Variants in PHF19 observed in about 807,000 individuals in gnomAD.
The protein encoded by PHF19 is PHD finger protein 19.
Under a neutral mutation model 79.8 loss-of-function variants are expected in PHF19, and 21 were observed. The observed-to-expected ratio is 0.26, with a 90% CI of 0.19 to 0.38. PHF19 has a LOEUF of 0.38. Ranked by LOEUF, PHF19 falls within the 10% of genes least tolerant of loss-of-function variation. The probability of loss-of-function intolerance (pLI) is 1.00; values close to 1 mark genes in which losing one functional copy is unlikely to be tolerated. For missense variants in PHF19, 445 were observed against 744.2 expected (o/e 0.60, Z 4.68); for synonymous variants, 273 against 296.3 (o/e 0.92, Z 0.81).
chr9:120,895,187 A>C (rs763333667), upstream of PHF19, among the ~76,000 whole-genome samples: 13 of 152,202 alleles, frequency 8.5e-5, no homozygotes, highest in Admixed American at 2.6e-4. Flanking sequence ...CTTTCTATCC[A>C]AACTCCAGAG....
intron 3 of PHF19, among the ~76,000 whole-genome samples, chr9:120,872,046 A>G (rs1347405329): frequency 1.4e-5 from 2 of 140,198 alleles, no homozygotes; most frequent in Non-Finnish European, 3.1e-5. Flanking sequence ...TCAAAAAAAA[A>G]AAAAAAAAAA....
chr9:120,884,754 CAA>C (rs57387656), intron 1 of PHF19, among the ~76,000 whole-genome samples: 11,853 of 126,968 alleles, frequency 0.093, 949 homozygotes, highest in African/African-American at 0.22. Context: ...CCAAAAAATA[CAA>C]AAAAAAAAAA....
rs1446141192 is a variant in PHF19, at chr9:120,869,828, G to A, written c.465+17C>T. On this transcript the variant is annotated intron_variant, in intron 5 of 14. Transcript: ENST00000373896. The surrounding 1 kb of genome is among the most constrained non-coding windows in gnomAD (Gnocchi z 5.8). The stretch of plus-strand genomic sequence containing the variant: ...GGAGGCAGGAGAGGCAGGGACTGGG[G>A]AGGATGGAAGGCTCACCCGCACAGC... 1.2e-6 allele frequency: 2 copies of A among 1,612,888 alleles called. No homozygotes were observed. Among genetic ancestry groups the A allele is most frequent in the Non-Finnish European group, 1.7e-6 (2 of 1,179,690 alleles).
Position 120,869,048 on chromosome 9 carries a change from G to T in PHF19, c.614+134C>A. On this transcript the variant is annotated intron_variant, in intron 6 of 14. Transcript: ENST00000373896. This position sits in a 1 kb window ranked among gnomAD's most constrained non-coding sequence, Gnocchi z 5.8. ...CGCCCCTCGAGGCCCCGCCCCCACA[G>T]CGCAACACACTGGGCCCGCCCTCAA... The T allele has an allele frequency of 1.5e-6, 1 of 679,160 alleles. No individual in the cohort carries two copies. Among genetic ancestry groups the T allele is most frequent in the Non-Finnish European group, 1.9e-6 (1 of 521,846 alleles). The allele number at this position is 679,160 out of a possible 1,614,324, so 42.1% of individuals were successfully genotyped here.
the PHF19 span, among the ~76,000 whole-genome samples, chr9:120,901,131 C>T: frequency 6.6e-6 from 1 of 152,134 alleles, no homozygotes; most frequent in African/African-American, 2.4e-5. Context: ...ATGATCTCAT[C>T]GAAGCTGAAG....
intron 3 of PHF19, among the ~76,000 whole-genome samples, chr9:120,871,152 C>T (rs2045883579): frequency 6.6e-6 from 1 of 152,236 alleles, no homozygotes; most frequent in Admixed American, 6.5e-5. Flanking sequence ...ATCCACCTGC[C>T]TTGGCCTCTC....
At chr9:120,881,234 G>A (rs960613336), upstream of PHF19, among the ~76,000 whole-genome samples, 1 of 146,354 alleles carries the variant, frequency 6.8e-6, no homozygotes, top group Non-Finnish European at 1.5e-5. Context: ...TGCAACCTCC[G>A]CCTCCCGGGT....
chr9:120,876,669 ATGTTCAGGAG>A (rs1057076533), intron 1 of PHF19, among the ~76,000 whole-genome samples: 1 of 152,058 alleles, frequency 6.6e-6, no homozygotes, highest in African/African-American at 2.4e-5. Context: ...TTTAAAAAGG[ATGTTCAGGAG>A]GGGGGAAAAA....
At chr9:120,864,178 G>T in intron 9 of PHF19, 62 bp from the exon 10 acceptor site, 1 of 1,382,406 alleles carries the variant, frequency 7.2e-7, no homozygotes, top group Non-Finnish European at 1.0e-6. Context: ...GGAGGCCCAA[G>T]CCCCTACTCC....
chr9:120,887,627 CACACACACACACACACACACACACAG>C (rs1353353407), intron 1 of PHF19, among the ~76,000 whole-genome samples: 18 of 78,248 alleles, frequency 2.3e-4, no homozygotes, highest in South Asian at 1.4e-3. Context: ...AACAAACACA[CACACACACACACACACACACACACAG>C]ACACACACAC....
intron 14 of PHF19, among the ~76,000 whole-genome samples, chr9:120,858,489 A>C (rs753640692): frequency 6.6e-6 from 1 of 152,306 alleles, no homozygotes. Context: ...GGCATAGATT[A>C]TCTCACCAGA....
Position 120,864,042 on chromosome 9 carries a change from C to T in PHF19, c.968+7G>A, listed in dbSNP as rs897350162. On this transcript the variant is annotated splice_region_variant and intron_variant, in intron 10 of 14. Transcript: ENST00000373896. ...CCCACCACACTCCCTCCCCTCCCTGCACGCACCGGCTTTTATAACTGTTCA... is the reference window on the plus strand; with the variant it reads ...CCCACCACACTCCCTCCCCTCCCTGTACGCACCGGCTTTTATAACTGTTCA... 3 of 1,612,022 alleles carry T rather than the reference C, an allele frequency of 1.9e-6. No homozygotes were observed. The highest frequency in any genetic ancestry group is 2.2e-5 in the South Asian group (2 of 90,674).
Position 120,860,929 on chromosome 9 carries a change from G to T in PHF19, c.1304+160C>A. The T allele has an allele frequency of 1.6e-6, 1 of 611,706 alleles. No homozygotes were observed. Among genetic ancestry groups the T allele is most frequent in the South Asian group, 1.8e-5 (1 of 56,068 alleles). 37.9% of individuals were successfully genotyped at this position (611,706 alleles called of 1,614,324 possible). ...GGCTGGAGAAGAGGGGAGGGCTGTG[G>T]TGCTCTGGGAACAGGGATGTTATGC... On this transcript the variant is annotated intron_variant, in intron 13 of 14. Transcript: ENST00000373896. The surrounding 1 kb of genome is among the most constrained non-coding windows in gnomAD (Gnocchi z 4.1).
chr9:120,890,490 G>A (rs970276709), intron 1 of PHF19, among the ~76,000 whole-genome samples: 25 of 152,164 alleles, frequency 1.6e-4, no homozygotes. Context: ...CCCTGGTGAG[G>A]CCACTGAATT....
At position 120,862,468 on chromosome 9, in the gene PHF19, AT is replaced by A. The variant is rs2045561194; in HGVS notation, c.1130+119del. 1.2e-6 allele frequency: 1 copy of A among 804,284 alleles called. No individual in the cohort carries two copies. Among genetic ancestry groups the A allele is most frequent in the Non-Finnish European group, 2.0e-6 (1 of 489,682 alleles). The allele number at this position is 804,284 out of a possible 1,614,324, so 49.8% of individuals were successfully genotyped here. On this transcript the variant is annotated intron_variant, in intron 11 of 14. Coordinates refer to ENST00000373896, the MANE Select transcript of PHF19 (RefSeq NM_015651.3). The surrounding 1 kb of genome is among the most constrained non-coding windows in gnomAD (Gnocchi z 4.6). ...GGATCTGGGATCCCGCTCAGCCACT[AT>A]CTAGCCCTCTCAGGGTCCTACAGCT...
intron 14 of PHF19, among the ~76,000 whole-genome samples, chr9:120,858,646 A>G (rs1286297412): frequency 6.6e-6 from 1 of 152,138 alleles, no homozygotes; most frequent in African/African-American, 2.4e-5. Context: ...GCAAAAGCAC[A>G]AGAGCACCAT....
chr9:120,903,907 C>T, the PHF19 span: 1 of 152,232 alleles, frequency 6.6e-6, no homozygotes, highest in Non-Finnish European at 1.5e-5. Flanking sequence ...CAGCAATGGC[C>T]TTTTCAAACC....
upstream of PHF19, among the ~76,000 whole-genome samples, chr9:120,880,743 T>G (rs868117919): frequency 2.0e-4 from 31 of 152,262 alleles, no homozygotes; most frequent in Middle Eastern, 3.4e-3. Flanking sequence ...GAAGATCGCT[T>G]GAGCCCAGGA....
Position 120,856,231 on chromosome 9 carries a change from CAGG to C in PHF19, c.*1710_*1712del, listed in dbSNP as rs941325585. On this transcript the variant is annotated 3_prime_UTR_variant, in exon 15 of 15. Coordinates refer to ENST00000373896, the MANE Select transcript of PHF19 (RefSeq NM_015651.3). ...CAGAGGAAAGTGGGTGGGCTGTGCA[CAGG>C]AGGTGAGGTCCCCCTTAAAAGGCAC... is the stretch of plus-strand genomic sequence containing the variant. 5.9e-5 allele frequency: 9 copies of C among 153,044 alleles called. No individual in the cohort carries two copies. The highest frequency in any genetic ancestry group is 3.9e-4 in the Admixed American group (6 of 15,306). The allele number at this position is 153,044 out of a possible 1,614,324, so 9.5% of individuals were successfully genotyped here. A position where few individuals can be genotyped will look rare whatever the true frequency, so the allele number is the denominator to read the frequency against.
Sources: allele counts gnomAD v4.1 joint callset (sites outside exome capture counted in the v4.1 genomes callset), GRCh38; gene constraint gnomAD v4.1.1; non-coding constraint Gnocchi (gnomAD v3.1); transcripts MANE v1.5; gene names NCBI Gene and HGNC (gene_info 2026-07-23, HGNC 2026-07-21).